Variants in NR4A1 observed in about 807,000 individuals in gnomAD.
The protein encoded by NR4A1 is nuclear receptor subfamily 4immunitygroup A member 1.
In NR4A1, 24 loss-of-function variants were observed where a neutral mutation model predicts 47.5. The observed-to-expected ratio is 0.50, with a 90% confidence interval of 0.37 to 0.71. The LOEUF (loss-of-function observed/expected upper bound fraction) is 0.71, where lower values mean the gene tolerates loss of function less well. Among genes scored for constraint, NR4A1 ranks in the 30% least tolerant of loss-of-function variants. The pLI, the probability that NR4A1 is intolerant of heterozygous loss-of-function variation, is 0.00. For missense variants in NR4A1, 669 were observed against 788.6 expected (o/e 0.85, Z 1.82); for synonymous variants, 353 against 345.7 (o/e 1.02, Z -0.24).
chr12:52,054,834 G>C lies in NR4A1; in HGVS notation c.506G>C (p.Gly169Ala), dbSNP rs767000736. 6.2e-7 allele frequency: 1 copy of C among 1,613,770 alleles called. No homozygotes were observed. The highest frequency in any genetic ancestry group is 8.5e-7 in the Non-Finnish European group (1 of 1,179,972). The change falls in exon 2 of 7, where the codon GGC (glycine) becomes GCC (alanine). Residue 169 changes from glycine (G) to alanine (A), a missense_variant. Gly to Ala is a moderately conservative substitution (Grantham distance 60). Transcript: ENST00000394825. ...GHFSPSQTYE[G>A]LRAWTEQLPK... ...TTCTCGCCCAGCCAGACTTACGAAG[G>C]CCTGCGGGCATGGACAGAGCAGCTG...
intron 1 of NR4A1, among the ~76,000 whole-genome samples, chr12:52,028,202 C>CAAAAAAA (rs34072500): frequency 3.2e-5 from 2 of 61,766 alleles, no homozygotes; most frequent in Non-Finnish European, 5.6e-5. Context: ...ACCCTGTCTC[C>CAAAAAAA]AAAAAAAAAA....
intron 1 of NR4A1, among the ~76,000 whole-genome samples, chr12:52,028,202 C>CAAAAAA (rs34072500): frequency 3.2e-5 from 2 of 61,766 alleles, no homozygotes; most frequent in Non-Finnish European, 5.6e-5. Flanking sequence ...ACCCTGTCTC[C>CAAAAAA]AAAAAAAAAA....
At chr12:52,051,589 G>A (rs995733707) in intron 1 of NR4A1, 21 bp downstream of exon 1, 2 of 985,390 alleles carry the variant, frequency 2.0e-6, no homozygotes, top group Admixed American at 6.1e-5. Flanking sequence ...TTCGGGGAAC[G>A]TGCATCTGTT....
chr12:52,027,529 A>G (rs1366670438), intron 1 of NR4A1, among the ~76,000 whole-genome samples: 2 of 152,224 alleles, frequency 1.3e-5, no homozygotes, highest in Non-Finnish European at 2.9e-5. Flanking sequence ...TGCCCAGAGC[A>G]AGCACTTGGA....
In NR4A1 at chr12:52,054,244, TGG is replaced by T. The variant is rs1939122769; in HGVS notation, c.-2-80_-2-79del. The T allele has an allele frequency of 7.3e-6, 9 of 1,234,612 alleles. No homozygotes were observed. In the South Asian group the frequency reaches 1.4e-4, roughly 19 times the overall value. 76.5% of individuals were successfully genotyped at this position (1,234,612 alleles called of 1,614,324 possible). ...TGGGATTCCTGCCACCTTGCTGCTC[TGG>T]GGCCCAAATACTTTGAGACAAGGCT... On this transcript the variant is annotated intron_variant, in intron 1 of 6. Transcript: ENST00000394825.
chr12:52,033,065 T>C (rs1260779830), intron 1 of NR4A1, among the ~76,000 whole-genome samples: 1 of 152,090 alleles, frequency 6.6e-6, no homozygotes, highest in African/African-American at 2.4e-5. Flanking sequence ...TGTGCAGGGG[T>C]GTTGACCGAG....
intron 1 of NR4A1, chr12:52,053,497 G>C (rs1939085431): frequency 6.9e-6 from 1 of 144,304 alleles, no homozygotes; most frequent in Non-Finnish European, 1.5e-5. Flanking sequence ...AGAGTCCAGG[G>C]GGCTGTGGTC....
chr12:52,055,142 G>A lies in NR4A1; in HGVS notation c.814G>A (p.Asp272Asn). 1 of 1,614,096 alleles carries A rather than the reference G, an allele frequency of 6.2e-7. No individual in the cohort carries two copies. Among genetic ancestry groups the A allele is most frequent in the Non-Finnish European group, 8.5e-7 (1 of 1,180,052 alleles). The change falls in exon 2 of 7, where the codon GAC (aspartate) becomes AAC (asparagine). Residue 272 changes from aspartate (D) to asparagine (N), a missense_variant. Coordinates refer to ENST00000394825, the MANE Select transcript of NR4A1 (RefSeq NM_173157.3). ...TGAAGGCCGCTGTGCTGTGTGTGGG[G>A]ACAACGCTTCATGCCAGCATTATGG... ...GSEGRCAVCG[D>N]NASCQHYGVR...
intron 1 of NR4A1, among the ~76,000 whole-genome samples, chr12:52,032,350 C>A (rs1192131905): frequency 6.6e-6 from 1 of 152,224 alleles, no homozygotes; most frequent in African/African-American, 2.4e-5. Context: ...CTTCAGACAT[C>A]CATGCTCTGA....
intron 1 of NR4A1, chr12:52,041,804 C>G: frequency 7.3e-7 from 1 of 1,375,412 alleles, no homozygotes; most frequent in Non-Finnish European, 9.4e-7. Flanking sequence ...GACTCTCCCT[C>G]TGTAGGCCTC....
chr12:52,037,571 G>T (rs991882125), intron 1 of NR4A1: 28 of 983,866 alleles, frequency 2.8e-5, no homozygotes, highest in East Asian at 1.1e-4. Context: ...GGAGTCGGGG[G>T]GGGGACTGGA....
chr12:52,051,491 T>G lies in NR4A1; in HGVS notation c.-80T>G. On this transcript the variant is annotated 5_prime_UTR_variant, in exon 1 of 7. Transcript: ENST00000394825. ...ACTTGGGGGAGTGCACAGAAGAACT[T>G]CGGGAGCGCACGCGGGACCAGGGAC... 1 of 985,414 alleles carries G rather than the reference T, an allele frequency of 1.0e-6. No homozygotes were observed. Among genetic ancestry groups the G allele is most frequent in the Non-Finnish European group, 1.2e-6 (1 of 830,024 alleles). 61.0% of individuals were successfully genotyped at this position (985,414 alleles called of 1,614,324 possible).
At chr12:52,024,185 T>C (rs567315285) in intron 1 of NR4A1, among the ~76,000 whole-genome samples, 1 of 152,282 alleles carries the variant, frequency 6.6e-6, no homozygotes, top group African/African-American at 2.4e-5. Flanking sequence ...CTAAGGGCAG[T>C]CTTTTGCCTT....
rs750313919 is a variant in NR4A1, at chr12:52,054,772, G to A, written c.444G>A (p.Pro148=). 5.6e-6 allele frequency: 9 copies of A among 1,612,338 alleles called. No homozygotes were observed. Among genetic ancestry groups the A allele is most frequent in the South Asian group, 4.4e-5 (4 of 91,070 alleles). ...CGCCCTCCACGCCCAGCTTCCAGCC[G>A]CCCCAGCTCTCTCCCTGGGATGGCT... is the stretch of plus-strand genomic sequence containing the variant. The part of the protein sequence containing the change: ...APSPSTPSFQ[P]PQLSPWDGSF... The change falls in exon 2 of 7, where the codon CCG becomes CCA. Residue 148 remains proline, a synonymous_variant. Coordinates refer to ENST00000394825, the MANE Select transcript of NR4A1 (RefSeq NM_173157.3).
intron 1 of NR4A1, 95 bp downstream of exon 1, chr12:52,051,663 C>T (rs1938956085): frequency 1.2e-6 from 1 of 823,894 alleles, no homozygotes; most frequent in Non-Finnish European, 1.5e-6. Context: ...GTAGGGCCGG[C>T]ATGCAAGAGG....
chr12:52,047,766 C>A (rs744691), upstream of NR4A1, among the ~76,000 whole-genome samples: 45,611 of 152,134 alleles, frequency 0.3, 7,635 homozygotes, highest in Admixed American at 0.46. Context: ...GGTGGGCCTA[C>A]CCCACAGGAT....
At chr12:52,050,586 A>G (rs1041846166), upstream of NR4A1, among the ~76,000 whole-genome samples, 6 of 152,328 alleles carry the variant, frequency 3.9e-5, no homozygotes, top group African/African-American at 1.4e-4. Context: ...GGGGCTGGGG[A>G]GGGGACGGTG....
At chr12:52,055,465 A>C in intron 2 of NR4A1, 1 of 587,534 alleles carries the variant, frequency 1.7e-6, no homozygotes. Flanking sequence ...TAGGAGCTGC[A>C]GGGGTGCCTG....
chr12:52,030,671 C>T (rs966435488), intron 1 of NR4A1, among the ~76,000 whole-genome samples: 7 of 152,174 alleles, frequency 4.6e-5, no homozygotes, highest in African/African-American at 1.4e-4. Context: ...TCATGTGATC[C>T]GCCTGCCTTG....
Sources: allele counts gnomAD v4.1 joint callset (sites outside exome capture counted in the v4.1 genomes callset), GRCh38; gene constraint gnomAD v4.1.1; transcripts MANE v1.5; gene names NCBI Gene and HGNC (gene_info 2026-07-23, HGNC 2026-07-21).